The following R3HDM2 variants were observed in gnomAD, a reference collection of about 807,000 sequenced individuals.
R3HDM2 encodes R3H domain-containing protein 2.
In R3HDM2, 38 loss-of-function variants were observed where a neutral mutation model predicts 124.5. The ratio of observed to expected loss-of-function variants is 0.31; its 90% CI spans 0.24 to 0.40. R3HDM2 has a LOEUF of 0.40. R3HDM2 is among the 10% of genes least tolerant of loss of function. The pLI is 1.00. For missense variants in R3HDM2, 869 were observed against 1,236.9 expected (o/e 0.70, Z 4.46); for synonymous variants, 391 against 448.0 (o/e 0.87, Z 1.61).
At chr12:57,320,712 T>C (rs956045920) in intron 2 of R3HDM2, among the ~76,000 whole-genome samples, 1 of 152,122 alleles carries the variant, frequency 6.6e-6, no homozygotes, top group Non-Finnish European at 1.5e-5. Context: ...ATATTCCCTA[T>C]AATTTTTTTT....
intron 1 of R3HDM2, among the ~76,000 whole-genome samples, chr12:57,419,044 T>C (rs1487472385): frequency 2.0e-5 from 3 of 152,134 alleles, no homozygotes; most frequent in Non-Finnish European, 2.9e-5. Context: ...AATTTCTTAA[T>C]ATAGCTTGTA....
At chr12:57,276,165 G>A (rs1169024642) in intron 14 of R3HDM2, among the ~76,000 whole-genome samples, 7 of 148,940 alleles carry the variant, frequency 4.7e-5, no homozygotes, top group African/African-American at 1.2e-4. Flanking sequence ...AGTCAAGATC[G>A]TGCCACTGCA....
chr12:57,280,397 A>G lies in R3HDM2; in HGVS notation c.1305T>C (p.Pro435=), dbSNP rs1472170684. 4 of 1,613,990 alleles carry G rather than the reference A, an allele frequency of 2.5e-6. No homozygotes were observed. Among genetic ancestry groups the G allele is most frequent in the Non-Finnish European group, 3.4e-6 (4 of 1,179,950 alleles). Residue 435 remains proline (P), a synonymous_variant, in exon 14 of 24, where the codon CCT becomes CCC. Coordinates refer to ENST00000402412, the MANE Select transcript of R3HDM2 (RefSeq NM_001394031.1). ...QQQLPALPPT[P]QQQPPLNNHM... Reference sequence around the variant, plus strand: ...GATTATTCAAGGGTGGCTGTTGCTGAGGCGTGGGTGGGAGAGCAGGAAGTT... The same window carrying G: ...GATTATTCAAGGGTGGCTGTTGCTGGGGCGTGGGTGGGAGAGCAGGAAGTT...
At chr12:57,357,197 C>T (rs1234577715) in intron 2 of R3HDM2, among the ~76,000 whole-genome samples, 1 of 150,638 alleles carries the variant, frequency 6.6e-6, no homozygotes, top group East Asian at 2.0e-4. Context: ...GTGGCTCTCC[C>T]CTGTAATCCC....
At chr12:57,355,044 C>T (rs1389365129) in intron 2 of R3HDM2, among the ~76,000 whole-genome samples, 1 of 151,966 alleles carries the variant, frequency 6.6e-6, no homozygotes, top group Non-Finnish European at 1.5e-5. Flanking sequence ...CCTCCACCTC[C>T]CACAGTGCTG....
In R3HDM2 at chr12:57,269,736, A is replaced by G. The variant is rs1353722009; in HGVS notation, c.1587+16T>C. 1 of 1,613,956 alleles carries G rather than the reference A, an allele frequency of 6.2e-7. No homozygotes were observed. The highest frequency in any genetic ancestry group is 1.3e-5 in the African/African-American group (1 of 74,908). On this transcript the variant is annotated intron_variant, in intron 15 of 23. Coordinates refer to ENST00000402412, the MANE Select transcript of R3HDM2 (RefSeq NM_001394031.1). The stretch of plus-strand genomic sequence containing the variant: ...ACTGAATTAAGTGATTTAAGCTGGG[A>G]ACTGGAGCTGCTCACCTGTTGAGGG...
intron 5 of R3HDM2, 75 bp downstream of exon 5, chr12:57,300,020 C>T (rs2050770527): frequency 9.1e-7 from 1 of 1,099,304 alleles, no homozygotes; most frequent in Admixed American, 2.0e-5. Flanking sequence ...TCTGATGTTG[C>T]TGTGACTGCC....
chr12:57,318,644 T>C (rs1232573911), intron 2 of R3HDM2, among the ~76,000 whole-genome samples: 1 of 145,404 alleles, frequency 6.9e-6, no homozygotes, highest in Admixed American at 7.0e-5. Flanking sequence ...CGAGACTCCA[T>C]CTCAAAAAAA....
chr12:57,314,847 T>C (rs905085235), intron 2 of R3HDM2, among the ~76,000 whole-genome samples: 1 of 152,088 alleles, frequency 6.6e-6, no homozygotes, highest in African/African-American at 2.4e-5. Flanking sequence ...TATAAAAAAT[T>C]ATAAAGCAGT....
At chr12:57,332,359 G>A (rs2058313918) in intron 2 of R3HDM2, among the ~76,000 whole-genome samples, 1 of 142,576 alleles carries the variant, frequency 7.0e-6, no homozygotes, top group Non-Finnish European at 1.5e-5. Context: ...AGGCTACAGT[G>A]AGCTGTGACT....
intron 2 of R3HDM2, among the ~76,000 whole-genome samples, chr12:57,357,237 G>C (rs1264364633): frequency 2.0e-5 from 3 of 152,086 alleles, no homozygotes; most frequent in Non-Finnish European, 2.9e-5. Flanking sequence ...GCAGGTGGGT[G>C]AATCACCTGA....
In R3HDM2 at chr12:57,283,071, A is replaced by G. The variant is rs547795274; in HGVS notation, c.1171+753T>C. 4.6e-5 allele frequency among the ~76,000 whole-genome samples: 7 copies of G among 152,352 alleles called. No individual in the cohort carries two copies. The South Asian group carries it at 1.2e-3, about 27-fold the overall frequency. ...TCCAGTGACTGAGCTCCAGAGAAGC[A>G]GCCATAGCAGCATCCCTCTAAATTC... On this transcript the variant is annotated intron_variant, in intron 13 of 23. Coordinates refer to ENST00000402412, the MANE Select transcript of R3HDM2 (RefSeq NM_001394031.1).
Position 57,256,475 on chromosome 12 carries a change from T to C in R3HDM2, c.2486A>G (p.Gln829Arg). The change falls in exon 22 of 24, where the codon CAG (glutamine) becomes CGG (arginine). Residue 829 changes from glutamine to arginine, a missense_variant. Around this residue, in one of 2 missense-constraint regions of R3HDM2, gnomAD observed 602 missense variants for 789.2 expected, o/e 0.76. Coordinates refer to ENST00000402412, the MANE Select transcript of R3HDM2 (RefSeq NM_001394031.1). ...GGGAGGGCAGATGGACAGATTGTAC[T>C]GTAATGGCTGGCCCAAAAGGGAGTA... ...GRYSLLGQPL[Q>R]YNLSICPPLL... is the part of the protein sequence containing the mutation. 1 of 1,597,572 alleles carries C rather than the reference T, an allele frequency of 6.3e-7. No individual in the cohort carries two copies. Among genetic ancestry groups the C allele is most frequent in the Non-Finnish European group, 8.5e-7 (1 of 1,171,666 alleles).
intron 14 of R3HDM2, among the ~76,000 whole-genome samples, chr12:57,275,514 AAAAAC>A (rs2044481642): frequency 6.6e-6 from 1 of 151,922 alleles, no homozygotes; most frequent in South Asian, 2.1e-4. Context: ...AAAAAAAAAA[AAAAAC>A]AGCAGAGGAA....
chr12:57,312,697 A>G (rs1487170220), intron 2 of R3HDM2, among the ~76,000 whole-genome samples: 1 of 151,982 alleles, frequency 6.6e-6, no homozygotes. Flanking sequence ...ATGGTGAAAC[A>G]ATGTCTCTAC....
chr12:57,428,272 AG>A (rs778369020), intron 1 of R3HDM2, among the ~76,000 whole-genome samples: 3 of 152,120 alleles, frequency 2.0e-5, no homozygotes, highest in Non-Finnish European at 2.9e-5. Context: ...AGTGTGCTCA[AG>A]GAACAGCCAG....
intron 1 of R3HDM2, among the ~76,000 whole-genome samples, chr12:57,405,925 G>A (rs985267080): frequency 6.6e-6 from 1 of 152,074 alleles, no homozygotes; most frequent in Admixed American, 6.6e-5. Flanking sequence ...CAGAAAGCAA[G>A]GAAGCTATCA....
intron 1 of R3HDM2, among the ~76,000 whole-genome samples, chr12:57,401,471 C>T (rs1007049605): frequency 1.3e-5 from 2 of 152,178 alleles, no homozygotes; most frequent in Non-Finnish European, 2.9e-5. Context: ...GCCAACTGAA[C>T]ACAAATGAGT....
chr12:57,266,000 T>A (rs1376853227), intron 19 of R3HDM2, among the ~76,000 whole-genome samples: 1 of 152,146 alleles, frequency 6.6e-6, no homozygotes, highest in African/African-American at 2.4e-5. Flanking sequence ...TTTCACCATG[T>A]TTGCCAGGCT....
Sources: gnomAD v4.1 joint callset for allele counts (sites outside exome capture counted in the v4.1 genomes callset) on GRCh38, gnomAD v4.1.1 for gene constraint, gnomAD v4.1.1 regional missense constraint, MANE v1.5 for transcripts, NCBI Gene and HGNC (gene_info 2026-07-23, HGNC 2026-07-21) for gene names.